Variants in SORCS1 observed in about 807,000 individuals in gnomAD.
The protein encoded by SORCS1 is sortilin related VPS10 domain containing receptor 1.
In SORCS1, 60 loss-of-function variants were observed where a neutral mutation model predicts 146.1. The observed-to-expected ratio is 0.41, with a 90% CI of 0.33 to 0.51. The LOEUF (loss-of-function observed/expected upper bound fraction) is 0.51. SORCS1 is among the 20% of genes least tolerant of loss of function. SORCS1 has a pLI of 0.21. For synonymous variants in SORCS1, 637 were observed against 584.0 expected (o/e 1.09, Z -1.31); for missense variants, 1,352 against 1,487.6 (o/e 0.91, Z 1.50).
intron 2 of SORCS1, among the ~76,000 whole-genome samples, chr10:106,924,836 G>A (rs910943285): frequency 6.6e-6 from 1 of 150,852 alleles, no homozygotes; most frequent in East Asian, 1.9e-4. Context: ...GACAAGAATG[G>A]ACAAGCAAGA....
chr10:106,671,451 T>C (rs1325952704), intron 15 of SORCS1, 84 bp from the exon 16 acceptor site: 10 of 1,567,722 alleles, frequency 6.4e-6, no homozygotes, highest in Non-Finnish European at 8.7e-6. Flanking sequence ...AGGGAGACAT[T>C]TGCACATCTT....
intron 6 of SORCS1, among the ~76,000 whole-genome samples, chr10:106,715,637 C>T (rs1487363489): frequency 6.6e-6 from 1 of 152,218 alleles, no homozygotes. Flanking sequence ...AGACTGTACT[C>T]ACATAATGAT....
At chr10:106,842,519 C>T (rs557148963) in intron 2 of SORCS1, among the ~76,000 whole-genome samples, 1 of 152,006 alleles carries the variant, frequency 6.6e-6, no homozygotes, top group Non-Finnish European at 1.5e-5. Flanking sequence ...CAGGCGTGAG[C>T]CATTGTGTCT....
chr10:106,758,758 C>T (rs372568952), intron 5 of SORCS1, among the ~76,000 whole-genome samples: 23 of 152,284 alleles, frequency 1.5e-4, no homozygotes, highest in African/African-American at 4.8e-4. Flanking sequence ...GAAAAAAACG[C>T]TGACCAGAGA....
At chr10:106,594,734 A>G (rs181127048) in intron 24 of SORCS1, among the ~76,000 whole-genome samples, 157 of 152,340 alleles carry the variant, frequency 1.0e-3, no homozygotes, top group Non-Finnish European at 1.1e-3. Flanking sequence ...AAGGCTGCTT[A>G]TGCTATAAAA....
chr10:106,824,068 C>A (rs1457345129), intron 3 of SORCS1, among the ~76,000 whole-genome samples: 2 of 152,072 alleles, frequency 1.3e-5, no homozygotes. Flanking sequence ...CTTTGGGAGG[C>A]CGAGGCGGGT....
chr10:106,667,626 G>T, intron 17 of SORCS1, 63 bp downstream of exon 17: 1 of 1,071,540 alleles, frequency 9.3e-7, no homozygotes, highest in Non-Finnish European at 1.4e-6. Context: ...AATTCTGTCA[G>T]TATAACACGT....
At chr10:106,947,205 T>C (rs1005413074) in intron 2 of SORCS1, among the ~76,000 whole-genome samples, 1 of 152,262 alleles carries the variant, frequency 6.6e-6, no homozygotes. Flanking sequence ...TGCTTGCACG[T>C]GTATGATTTG....
At chr10:106,899,925 A>G (rs892992556) in intron 2 of SORCS1, among the ~76,000 whole-genome samples, 3 of 151,702 alleles carry the variant, frequency 2.0e-5, no homozygotes, top group South Asian at 2.1e-4. Flanking sequence ...TCCTCTCTAT[A>G]TATTATATAC....
intron 22 of SORCS1, among the ~76,000 whole-genome samples, chr10:106,610,845 G>T (rs747787615): frequency 3.9e-5 from 6 of 152,146 alleles, no homozygotes; most frequent in Non-Finnish European, 2.9e-5. Context: ...TTGGGAGGCC[G>T]GGGCAGTTGA....
chr10:106,911,039 G>C (rs576890301), intron 2 of SORCS1, among the ~76,000 whole-genome samples: 93 of 152,250 alleles, frequency 6.1e-4, no homozygotes, highest in African/African-American at 2.1e-3. Flanking sequence ...CTGTTCTTGG[G>C]TAAATCACTT....
chr10:106,819,661 A>T (rs538027441), intron 3 of SORCS1, among the ~76,000 whole-genome samples: 197 of 152,308 alleles, frequency 1.3e-3, no homozygotes, highest in African/African-American at 4.5e-3. Flanking sequence ...ACCTAGATCT[A>T]GGCCTACCAC....
At chr10:106,934,465 T>A (rs1191556201) in intron 2 of SORCS1, among the ~76,000 whole-genome samples, 3 of 152,054 alleles carry the variant, frequency 2.0e-5, no homozygotes, top group Non-Finnish European at 4.4e-5. Flanking sequence ...TTCACCGTGT[T>A]AGCCAGGACA....
chr10:106,968,175 A>T (rs984004440), intron 1 of SORCS1, among the ~76,000 whole-genome samples: 3 of 151,968 alleles, frequency 2.0e-5, no homozygotes, highest in South Asian at 2.1e-4. Context: ...GCGCCACTGC[A>T]CTCCAGCCTG....
At chr10:107,038,070 G>A (rs964680918) in intron 1 of SORCS1, among the ~76,000 whole-genome samples, 4 of 152,148 alleles carry the variant, frequency 2.6e-5, no homozygotes, top group East Asian at 3.9e-4. Context: ...TGATCTGCCC[G>A]CCTCAGCCTC....
intron 1 of SORCS1, among the ~76,000 whole-genome samples, chr10:106,993,050 T>TA (rs1422079417): frequency 6.6e-6 from 1 of 152,056 alleles, no homozygotes; most frequent in East Asian, 1.9e-4. Context: ...CAGGATGGTC[T>TA]CTATCTCCTG....
At chr10:106,692,806 C>T (rs1853398102) in intron 9 of SORCS1, among the ~76,000 whole-genome samples, 1 of 152,006 alleles carries the variant, frequency 6.6e-6, no homozygotes, top group Admixed American at 6.6e-5. Context: ...TGTGATGGGT[C>T]ACAGTCAAAA....
At chr10:106,833,690 C>A (rs991077788) in intron 2 of SORCS1, among the ~76,000 whole-genome samples, 1 of 152,230 alleles carries the variant, frequency 6.6e-6, no homozygotes, top group South Asian at 2.1e-4. Flanking sequence ...CTGTGCTGAT[C>A]TGTCGATGCC....
chr10:106,728,785 A>G (rs1441985661), intron 6 of SORCS1, among the ~76,000 whole-genome samples: 1 of 152,074 alleles, frequency 6.6e-6, no homozygotes, highest in Non-Finnish European at 1.5e-5. Context: ...ATTGTGAGGG[A>G]TATTTTAGAA....
Sources: gnomAD v4.1 joint callset for allele counts (sites outside exome capture counted in the v4.1 genomes callset) on GRCh38, gnomAD v4.1.1 for gene constraint, MANE v1.5 for transcripts, NCBI Gene and HGNC (gene_info 2026-07-23, HGNC 2026-07-21) for gene names.